Variants in TNKS observed in about 807,000 individuals in gnomAD.
TNKS encodes the protein tankyrase.
In TNKS, 72 loss-of-function variants were observed where a neutral mutation model predicts 135.8. The observed-to-expected ratio is 0.53, with a 90% confidence interval of 0.44 to 0.64. The LOEUF (loss-of-function observed/expected upper bound fraction) is 0.64. Among genes scored for constraint, TNKS ranks in the 30% least tolerant of loss-of-function variants. The pLI, the probability that TNKS is intolerant of heterozygous loss-of-function variation, is 0.00. For missense variants in TNKS, 1,769 were observed against 1,674.0 expected (o/e 1.06, Z -0.99); for synonymous variants, 849 against 649.3 (o/e 1.31, Z -4.68).
intron 5 of TNKS, among the ~76,000 whole-genome samples, chr8:9,683,127 C>T (rs1009965905): frequency 1.3e-4 from 20 of 151,922 alleles, no homozygotes; most frequent in African/African-American, 4.8e-4. Flanking sequence ...AGATATTATT[C>T]TCATTTACGG....
intron 1 of TNKS, among the ~76,000 whole-genome samples, chr8:9,567,424 T>A (rs1053562492): frequency 2.7e-5 from 4 of 148,282 alleles, no homozygotes; most frequent in Admixed American, 6.7e-5. Context: ...TATTTATTTA[T>A]TTTTTTTTTG....
At position 9,780,700 on chromosome 8, in the gene TNKS, T is replaced by A. The variant is rs927222632; in HGVS notation, c.*3964T>A. 2 of 152,212 alleles carry A rather than the reference T, an allele frequency of 1.3e-5. No homozygotes were observed. Among genetic ancestry groups the A allele is most frequent in the African/African-American group, 4.8e-5 (2 of 41,464 alleles). The allele number at this position is 152,212 out of a possible 1,614,324, so 9.4% of individuals were successfully genotyped here. A position where few individuals can be genotyped will look rare whatever the true frequency, so the allele number is the denominator to read the frequency against. ...TTTTATATTTTAATAAATAAAACAT[T>A]GTAGTCCCATTTCTTAGTGTTTGAA... On this transcript the variant is annotated 3_prime_UTR_variant, in exon 27 of 27. Coordinates refer to ENST00000310430, the MANE Select transcript of TNKS (RefSeq NM_003747.3).
chr8:9,721,472 T>G (rs13276086), intron 12 of TNKS, among the ~76,000 whole-genome samples: 89,020 of 150,996 alleles, frequency 0.59, 26,565 homozygotes, highest in Middle Eastern at 0.71. Context: ...AATCAAAAGT[T>G]TAGTATAATT....
intron 3 of TNKS, among the ~76,000 whole-genome samples, chr8:9,654,399 AAAATT>A (rs1480418899): frequency 2.0e-5 from 3 of 152,228 alleles, no homozygotes; most frequent in Non-Finnish European, 2.9e-5. Flanking sequence ...TTTACAAAAA[AAAATT>A]AAATTTTAAT....
chr8:9,615,390 G>A (rs973617100), intron 2 of TNKS, 192 bp from the exon 3 acceptor site: 4 of 453,378 alleles, frequency 8.8e-6, no homozygotes, highest in Admixed American at 4.1e-5. Context: ...TGTACCATAA[G>A]TTGCCAACTT....
At chr8:9,557,439 A>T (rs1191281479) in intron 1 of TNKS, 1 of 151,024 alleles carries the variant, frequency 6.6e-6, no homozygotes, top group Non-Finnish European at 1.5e-5. Context: ...TTTTCTCTCA[A>T]AGACACCTAA....
intron 1 of TNKS, chr8:9,558,613 C>T (rs542453542): frequency 3.9e-5 from 6 of 152,128 alleles, no homozygotes; most frequent in Admixed American, 3.3e-4. Flanking sequence ...CAAAATAGTG[C>T]TTGTTTCTCA....
At chr8:9,699,045 C>T (rs1260878347) in intron 5 of TNKS, among the ~76,000 whole-genome samples, 1 of 152,148 alleles carries the variant, frequency 6.6e-6, no homozygotes, top group Admixed American at 6.6e-5. Context: ...CTAACAGAAA[C>T]GTCTGTTTTT....
chr8:9,680,863 T>C, intron 5 of TNKS, 63 bp downstream of exon 5: 1 of 1,035,248 alleles, frequency 9.7e-7, no homozygotes, highest in South Asian at 1.5e-5. Context: ...GAATGTGGCA[T>C]ATATATATAT....
intron 3 of TNKS, among the ~76,000 whole-genome samples, chr8:9,629,191 T>C (rs1800186176): frequency 6.6e-6 from 1 of 152,242 alleles, no homozygotes; most frequent in South Asian, 2.1e-4. Flanking sequence ...ATGGTATCAC[T>C]AAGCACACCT....
chr8:9,616,717 G>C lies in TNKS; in HGVS notation c.994+1040G>C, dbSNP rs951580403. Among the ~76,000 whole-genome samples the C allele has an allele frequency of 4.6e-5, 7 of 152,238 alleles. No individual in the cohort carries two copies. In the East Asian group the frequency reaches 1.3e-3, roughly 29 times the overall value. On this transcript the variant is annotated intron_variant, in intron 3 of 26. Transcript: ENST00000310430. The stretch of plus-strand genomic sequence containing the variant: ...CTAAAATCAATATAATTATTGCTCA[G>C]AGTAATATGACTTTTCTCAATCAAA...
At chr8:9,655,715 A>G (rs1801334602) in intron 3 of TNKS, among the ~76,000 whole-genome samples, 1 of 152,242 alleles carries the variant, frequency 6.6e-6, no homozygotes, top group African/African-American at 2.4e-5. Context: ...ACAAACAGAA[A>G]GGACATCCAC....
At chr8:9,762,997 C>A (rs190084000) in intron 21 of TNKS, 150 bp from the exon 22 acceptor site, 1 of 402,072 alleles carries the variant, frequency 2.5e-6, no homozygotes, top group African/African-American at 2.1e-5. Flanking sequence ...TTAAAGTAAC[C>A]GAATTTATCA....
chr8:9,595,694 A>C (rs1798757704), intron 2 of TNKS, among the ~76,000 whole-genome samples: 1 of 152,110 alleles, frequency 6.6e-6, no homozygotes, highest in Admixed American at 6.5e-5. Flanking sequence ...AAAAAACTAG[A>C]AAAAAAATTT....
At chr8:9,672,695 C>A (rs1395231785) in intron 3 of TNKS, among the ~76,000 whole-genome samples, 1 of 118,200 alleles carries the variant, frequency 8.5e-6, no homozygotes, top group Non-Finnish European at 1.8e-5. Context: ...CACACACACA[C>A]ACACACACAC....
chr8:9,721,969 CTGGAACCTAGGAG>C (rs1563191063), intron 12 of TNKS, among the ~76,000 whole-genome samples: 2 of 151,762 alleles, frequency 1.3e-5, no homozygotes, highest in Non-Finnish European at 2.9e-5. Context: ...AGGAGAATCA[CTGGAACCTAGGAG>C]ACGGAGGTTG....
intron 3 of TNKS, among the ~76,000 whole-genome samples, chr8:9,664,637 C>T (rs1422005011): frequency 1.3e-5 from 2 of 152,214 alleles, no homozygotes; most frequent in African/African-American, 4.8e-5. Flanking sequence ...TTATAAATCA[C>T]TCACAGTACA....
intron 26 of TNKS, chr8:9,772,265 G>A (rs973813327): frequency 4.9e-6 from 2 of 411,326 alleles, no homozygotes; most frequent in Non-Finnish European, 9.8e-6. Flanking sequence ...AGGGGGCTGG[G>A]GGGAGGAGTA....
At chr8:9,585,333 A>G (rs1043356407) in intron 2 of TNKS, among the ~76,000 whole-genome samples, 3 of 152,178 alleles carry the variant, frequency 2.0e-5, no homozygotes, top group South Asian at 2.1e-4. Context: ...TACACGTGAT[A>G]TGAGTTTCAG....
Sources: allele counts gnomAD v4.1 joint callset (sites outside exome capture counted in the v4.1 genomes callset), GRCh38; gene constraint gnomAD v4.1.1; transcripts MANE v1.5; gene names NCBI Gene and HGNC (gene_info 2026-07-23, HGNC 2026-07-21).